The following DLGAP1 variants were observed in gnomAD, a reference collection of about 807,000 sequenced individuals.
DLGAP1 encodes DLG associated protein 1.
Under a neutral mutation model 90.8 loss-of-function variants are expected in DLGAP1, and 11 were observed. The ratio of observed to expected loss-of-function variants is 0.12; its 90% CI spans 0.08 to 0.20. The LOEUF is 0.20. Ranked by LOEUF, DLGAP1 falls within the 10% of genes least tolerant of loss-of-function variation. The pLI, the probability that DLGAP1 is intolerant of heterozygous loss-of-function variation, is 1.00. For synonymous variants in DLGAP1, 558 were observed against 540.7 expected (o/e 1.03, Z -0.44); for missense variants, 1,050 against 1,333.8 (o/e 0.79, Z 3.31).
chr18:3,931,560 G>GTAAT (rs1176868873), intron 3 of DLGAP1, among the ~76,000 whole-genome samples: 1 of 152,138 alleles, frequency 6.6e-6, no homozygotes, highest in African/African-American at 2.4e-5. Context: ...GTCTACATTT[G>GTAAT]TAATTAATTA....
At chr18:3,567,390 G>A in intron 9 of DLGAP1, 100 bp downstream of exon 9, 1 of 1,037,470 alleles carries the variant, frequency 9.6e-7, no homozygotes. Context: ...AAAACTTAGA[G>A]GAAAATATCA....
intron 1 of DLGAP1, among the ~76,000 whole-genome samples, chr18:4,165,549 G>C (rs2076918907): frequency 6.6e-6 from 1 of 152,130 alleles, no homozygotes; most frequent in African/African-American, 2.4e-5. Flanking sequence ...AAGTAAAAGA[G>C]CAGAAATATG....
chr18:3,928,877 GAGGT>G (rs1298872405), intron 3 of DLGAP1, among the ~76,000 whole-genome samples: 1 of 152,178 alleles, frequency 6.6e-6, no homozygotes, highest in Non-Finnish European at 1.5e-5. Context: ...TCGAGCGTTA[GAGGT>G]AGGACCTGGT....
At chr18:4,110,031 C>T (rs201917743) in intron 2 of DLGAP1, among the ~76,000 whole-genome samples, 1 of 42,020 alleles carries the variant, frequency 2.4e-5, no homozygotes, top group African/African-American at 2.1e-4. Flanking sequence ...AAAGGATACA[C>T]AGATACACAG....
chr18:3,721,024 C>G (rs1220481619), intron 7 of DLGAP1, among the ~76,000 whole-genome samples: 1 of 151,840 alleles, frequency 6.6e-6, no homozygotes. Flanking sequence ...CCACTGTACT[C>G]TAGCCTGAGT....
chr18:4,259,110 A>G (rs2078954418), intron 1 of DLGAP1, among the ~76,000 whole-genome samples: 1 of 152,202 alleles, frequency 6.6e-6, no homozygotes, highest in Admixed American at 6.5e-5. Flanking sequence ...CCTGGTACAT[A>G]AATGGATTGA....
intron 12 of DLGAP1, 88 bp downstream of exon 12, chr18:3,502,405 C>G: frequency 6.3e-7 from 1 of 1,578,484 alleles, no homozygotes; most frequent in Non-Finnish European, 8.6e-7. Context: ...ACATTGTAAA[C>G]AGCAGGACTG....
At chr18:3,977,760 AG>A (rs2073626721) in intron 3 of DLGAP1, 1 of 359,958 alleles carries the variant, frequency 2.8e-6, no homozygotes, top group Non-Finnish European at 5.3e-6. Context: ...TGCCCACCCC[AG>A]CTTTGAAGGT....
At chr18:3,581,751 T>C (rs1599357372) in intron 8 of DLGAP1, 124 bp downstream of exon 8, 1 of 1,230,008 alleles carries the variant, frequency 8.1e-7, no homozygotes, top group East Asian at 2.3e-5. Context: ...CACTTGAAAA[T>C]CTGGTCCTAT....
At chr18:3,874,170 T>C (rs1386759701) in intron 4 of DLGAP1, 1 of 1,550,122 alleles carries the variant, frequency 6.5e-7, no homozygotes, top group Non-Finnish European at 8.7e-7. Context: ...AGTCCTTCCA[T>C]TTCTTGAAAC....
intron 5 of DLGAP1, among the ~76,000 whole-genome samples, chr18:3,758,364 T>C (rs2063806069): frequency 6.6e-6 from 1 of 152,228 alleles, no homozygotes; most frequent in Admixed American, 6.5e-5. Context: ...TTCTAATCTG[T>C]AAAATGAGAG....
At chr18:3,792,668 T>C (rs1460359159) in intron 5 of DLGAP1, among the ~76,000 whole-genome samples, 1 of 152,164 alleles carries the variant, frequency 6.6e-6, no homozygotes, top group Non-Finnish European at 1.5e-5. Context: ...CCTGACAATG[T>C]GTGGCACCAC....
At chr18:4,413,327 G>A (rs937879619) in intron 1 of DLGAP1, among the ~76,000 whole-genome samples, 6 of 152,084 alleles carry the variant, frequency 3.9e-5, no homozygotes, top group Admixed American at 2.0e-4. Context: ...CCAACAGCCC[G>A]GCAGGTGGAC....
intron 7 of DLGAP1, among the ~76,000 whole-genome samples, chr18:3,686,688 A>C (rs936822753): frequency 6.6e-6 from 1 of 152,140 alleles, no homozygotes; most frequent in Non-Finnish European, 1.5e-5. Context: ...TGACTTTTAA[A>C]ATCTATAAAG....
At chr18:4,337,108 C>T (rs1367523977) in intron 1 of DLGAP1, among the ~76,000 whole-genome samples, 1 of 135,372 alleles carries the variant, frequency 7.4e-6, no homozygotes, top group Non-Finnish European at 1.6e-5. Context: ...AGTGAGACTC[C>T]ATCTTAAAAA....
At chr18:4,316,295 T>G (rs1282799411) in intron 1 of DLGAP1, among the ~76,000 whole-genome samples, 1 of 152,112 alleles carries the variant, frequency 6.6e-6, no homozygotes, top group Non-Finnish European at 1.5e-5. Flanking sequence ...AACTCTATAT[T>G]GCATACGAAA....
chr18:4,097,504 T>C lies in DLGAP1; in HGVS notation c.-159+53676A>G, dbSNP rs76108717. Among the ~76,000 whole-genome samples the C allele has an allele frequency of 4.2e-4, 64 of 152,342 alleles. No homozygotes were observed. In the East Asian group the frequency reaches 9.4e-3, roughly 22 times the overall value. On this transcript the variant is annotated intron_variant, in intron 2 of 12. Transcript: ENST00000315677. ...GCAATGTGGATGTAGTCATCCTCCA[T>C]TTTTCCTTCCCTTCTGCCTCCAGAC...
chr18:3,726,967 G>C (rs1220622554), intron 7 of DLGAP1, among the ~76,000 whole-genome samples: 1 of 152,128 alleles, frequency 6.6e-6, no homozygotes, highest in Non-Finnish European at 1.5e-5. Context: ...AGCATTTCTG[G>C]TTAAAGCCCT....
At chr18:4,145,442 A>G (rs1459875190) in intron 2 of DLGAP1, among the ~76,000 whole-genome samples, 1 of 152,212 alleles carries the variant, frequency 6.6e-6, no homozygotes, top group Non-Finnish European at 1.5e-5. Flanking sequence ...ACAGGATTAA[A>G]TCCTGGGCTA....
Sources: allele counts gnomAD v4.1 joint callset (sites outside exome capture counted in the v4.1 genomes callset), GRCh38; gene constraint gnomAD v4.1.1; transcripts MANE v1.5; gene names NCBI Gene and HGNC (gene_info 2026-07-23, HGNC 2026-07-21).